The following GTF2H5 variants were observed in gnomAD, a reference collection of about 807,000 sequenced individuals.
GTF2H5 encodes the protein general transcription factor IIH subunit 5.
GTF2H5 carries 5 observed loss-of-function variants against 7.1 expected under a neutral mutation model. That is an observed-to-expected ratio of 0.71 (90% CI 0.37 to 1.49). The LOEUF is 1.49. GTF2H5 is among the 40% of genes most tolerant of loss of function. GTF2H5 has a pLI of 0.03. For missense variants in GTF2H5, 80 were observed against 83.0 expected (o/e 0.96, Z 0.14); for synonymous variants, 30 against 31.7 (o/e 0.95, Z 0.18).
intron 2 of GTF2H5, among the ~76,000 whole-genome samples, chr6:158,173,189 G>C (rs575969835): frequency 9.8e-5 from 15 of 152,308 alleles, no homozygotes; most frequent in Admixed American, 9.8e-4. Flanking sequence ...GTGGAGAAGT[G>C]TTTTGCACCA....
At chr6:158,187,489 G>A (rs1776949830) in intron 2 of GTF2H5, among the ~76,000 whole-genome samples, 1 of 152,176 alleles carries the variant, frequency 6.6e-6, no homozygotes, top group Non-Finnish European at 1.5e-5. Flanking sequence ...TCTGCCATGT[G>A]ATGCTTTACA....
chr6:158,186,152 G>A (rs1203000713), intron 2 of GTF2H5, among the ~76,000 whole-genome samples: 1 of 152,198 alleles, frequency 6.6e-6, no homozygotes, highest in Non-Finnish European at 1.5e-5. Flanking sequence ...TTGCAACAGA[G>A]ATGTTACAAG....
rs149936047 is a variant in GTF2H5, at chr6:158,181,179, G to A, written c.35+10641G>A. Among the ~76,000 whole-genome samples the A allele has an allele frequency of 3.9e-3, 595 of 152,284 alleles. 6 individuals carry two copies. Among genetic ancestry groups the A allele is most frequent in the African/African-American group, 0.014 (570 of 41,546 alleles). ...TGTTCAGTTTCCATGTAGTTGTGTGGTTTTGAGTGAATTCTTAATCCTGAG... is the reference window on the plus strand; with the variant it reads ...TGTTCAGTTTCCATGTAGTTGTGTGATTTTGAGTGAATTCTTAATCCTGAG... On this transcript the variant is annotated intron_variant, in intron 2 of 2. Coordinates refer to ENST00000607778, the MANE Select transcript of GTF2H5 (RefSeq NM_207118.3).
intron 2 of GTF2H5, among the ~76,000 whole-genome samples, chr6:158,174,054 G>A (rs1034563993): frequency 2.0e-5 from 3 of 152,042 alleles, no homozygotes; most frequent in Non-Finnish European, 4.4e-5. Context: ...AGTGGTGAAG[G>A]TTGCTTTTGT....
At position 158,185,519 on chromosome 6, in the gene GTF2H5, C is replaced by T. The variant is rs141621363; in HGVS notation, c.36-6458C>T. On this transcript the variant is annotated intron_variant, in intron 2 of 2. Transcript: ENST00000607778. ...TTGTGCCACTGCACTCCAGCCTAGGCAACAGAGTGAGGCCCTGTCTCAAAA... is the reference window on the plus strand; with the variant it reads ...TTGTGCCACTGCACTCCAGCCTAGGTAACAGAGTGAGGCCCTGTCTCAAAA... Among the ~76,000 whole-genome samples the T allele has an allele frequency of 7.0e-5, 9 of 129,192 alleles. No homozygotes were observed. The East Asian group carries it at 2.0e-3, about 28-fold the overall frequency. The allele number at this position is 129,192 out of a possible 152,430, so 84.8% of individuals were successfully genotyped here.
intron 2 of GTF2H5, 69 bp from the exon 3 acceptor site, chr6:158,191,908 T>A (rs1478267183): frequency 1.6e-6 from 2 of 1,233,608 alleles, no homozygotes; most frequent in Non-Finnish European, 2.4e-6. Context: ...TGTTCACATT[T>A]AATTGCTCAA....
chr6:158,175,044 G>GTGTATATATATGTGTGTGTGTGTGTGTA, intron 2 of GTF2H5, among the ~76,000 whole-genome samples: 30 of 142,848 alleles, frequency 2.1e-4, no homozygotes, highest in Middle Eastern at 3.6e-3. Context: ...GTGTGTGTGT[G>GTGTATATATATGTGTGTGTGTGTGTGTA]TATACACACA....
chr6:158,169,684 T>TTG lies in GTF2H5; in HGVS notation c.-34-786_-34-785insTG, dbSNP rs1785785807. 1.3e-4 allele frequency among the ~76,000 whole-genome samples: 7 copies of TTG among 53,696 alleles called. 1 individual carries two copies. The highest frequency in any genetic ancestry group is 3.4e-4 in the African/African-American group (2 of 5,864). 35.2% of individuals were successfully genotyped at this position (53,696 alleles called of 152,430 possible). ...AATATATTGTATATTATATAATATA[T>TTG]AATATATATTATATAATATATTGTA... On this transcript the variant is annotated intron_variant, in intron 1 of 2. Transcript: ENST00000607778.
intron 2 of GTF2H5, among the ~76,000 whole-genome samples, chr6:158,190,100 A>C (rs1165539531): frequency 6.6e-6 from 1 of 151,546 alleles, no homozygotes; most frequent in Non-Finnish European, 1.5e-5. Context: ...TCAGGGTCTC[A>C]CTGTGCTGTC....
chr6:158,183,535 C>G (rs1786036748), intron 2 of GTF2H5, among the ~76,000 whole-genome samples: 1 of 152,222 alleles, frequency 6.6e-6, no homozygotes, highest in Non-Finnish European at 1.5e-5. Context: ...GCAGTGGACT[C>G]TGCCCAATTT....
Position 158,193,611 on chromosome 6 carries a change from A to G in GTF2H5, c.*1454A>G. The G allele has an allele frequency of 6.6e-6, 1 of 152,228 alleles. No individual in the cohort carries two copies. The highest frequency in any genetic ancestry group is 1.9e-4 in the East Asian group (1 of 5,204). 9.4% of individuals were successfully genotyped at this position (152,228 alleles called of 1,614,324 possible). On this transcript the variant is annotated 3_prime_UTR_variant, in exon 3 of 3. Coordinates refer to ENST00000607778, the MANE Select transcript of GTF2H5 (RefSeq NM_207118.3). The stretch of plus-strand genomic sequence containing the variant: ...AATTCCCACCCATATAACTCAGTCC[A>G]TACAGTTCACAGTTTTCATTCCCTC...
At position 158,192,135 on chromosome 6, in the gene GTF2H5, C is replaced by T. The variant is rs369104295; in HGVS notation, c.194C>T (p.Ala65Val). 20 of 1,612,778 alleles carry T rather than the reference C, an allele frequency of 1.2e-5. No homozygotes were observed. Among genetic ancestry groups the T allele is most frequent in the Non-Finnish European group, 1.6e-5 (19 of 1,179,772 alleles). ...ERVGELMDQN[A>V]FSLTQK The stretch of plus-strand genomic sequence containing the variant: ...GTGGGTGAATTAATGGACCAAAATG[C>T]TTTTTCCCTTACCCAGAAATGAAAA... The change falls in exon 3 of 3, where the codon GCT becomes GTT. Residue 65 changes from alanine to valine, a missense_variant. Ala to Val is a moderately conservative substitution (Grantham distance 64). Coordinates refer to ENST00000607778, the MANE Select transcript of GTF2H5 (RefSeq NM_207118.3).
chr6:158,190,676 C>G, intron 2 of GTF2H5: 1 of 455,082 alleles, frequency 2.2e-6, no homozygotes, highest in East Asian at 6.2e-5. Context: ...GTACTTAAAT[C>G]TTATTTTTCT....
Position 158,193,425 on chromosome 6 carries a change from A to G in GTF2H5, c.*1268A>G, listed in dbSNP as rs1180350943. The G allele has an allele frequency of 6.6e-6, 1 of 152,122 alleles. No individual in the cohort carries two copies. Among genetic ancestry groups the G allele is most frequent in the Non-Finnish European group, 1.5e-5 (1 of 68,032 alleles). 9.4% of individuals were successfully genotyped at this position (152,122 alleles called of 1,614,324 possible). A position where few individuals can be genotyped will look rare whatever the true frequency, so the allele number is the denominator to read the frequency against. The stretch of plus-strand genomic sequence containing the variant: ...ATTGGGGTGGGTTCCTGTAAAGGGA[A>G]TTTTCCAAGAGAAAAGAGAATTTTC... On this transcript the variant is annotated 3_prime_UTR_variant, in exon 3 of 3. Coordinates refer to ENST00000607778, the MANE Select transcript of GTF2H5 (RefSeq NM_207118.3).
At chr6:158,169,569 A>G (rs1204646922) in intron 1 of GTF2H5, among the ~76,000 whole-genome samples, 1 of 88,274 alleles carries the variant, frequency 1.1e-5, no homozygotes, top group African/African-American at 4.6e-5. Context: ...TATATAATAT[A>G]TTGTATATTA....
chr6:158,169,296 T>C (rs1266732773), intron 1 of GTF2H5, among the ~76,000 whole-genome samples: 1 of 126,618 alleles, frequency 7.9e-6, no homozygotes, highest in Non-Finnish European at 1.6e-5. Flanking sequence ...ATATTTATTT[T>C]ATATATAATA....
intron 2 of GTF2H5, among the ~76,000 whole-genome samples, chr6:158,171,542 T>C (rs548815757): frequency 6.6e-6 from 1 of 152,214 alleles, no homozygotes; most frequent in South Asian, 2.1e-4. Context: ...AAGTGTTTTG[T>C]AGGGATGAGC....
At chr6:158,178,573 G>A (rs975729605) in intron 2 of GTF2H5, among the ~76,000 whole-genome samples, 1 of 151,934 alleles carries the variant, frequency 6.6e-6, no homozygotes, top group African/African-American at 2.4e-5. Flanking sequence ...TCTCATTGTG[G>A]TTTTGATTTG....
In GTF2H5 at chr6:158,169,397, T is replaced by TATTG. The variant is rs1379960506; in HGVS notation, c.-35+1002_-35+1003insATTG. On this transcript the variant is annotated intron_variant, in intron 1 of 2. Coordinates refer to ENST00000607778, the MANE Select transcript of GTF2H5 (RefSeq NM_207118.3). ...TGTATATTATATATTATATATAATA[T>TATTG]TATATTGTATATTATATATTATATA... 1.2e-4 allele frequency among the ~76,000 whole-genome samples: 9 copies of TATTG among 77,640 alleles called. 1 individual carries two copies. The highest frequency in any genetic ancestry group is 4.8e-4 in the African/African-American group (9 of 18,758). 50.9% of individuals were successfully genotyped at this position (77,640 alleles called of 152,430 possible).
Sources: gnomAD v4.1 joint callset for allele counts (sites outside exome capture counted in the v4.1 genomes callset) on GRCh38, gnomAD v4.1.1 for gene constraint, MANE v1.5 for transcripts, NCBI Gene and HGNC (gene_info 2026-07-23, HGNC 2026-07-21) for gene names.